PTPN4: variants seen among roughly 807,000 people sequenced by gnomAD.
PTPN4 encodes tyrosine-protein phosphatase non-receptor type 4.
Under a neutral mutation model 135.5 loss-of-function variants are expected in PTPN4, and 49 were observed. That is an observed-to-expected ratio of 0.36 (90% confidence interval 0.29 to 0.46). The LOEUF is 0.46. PTPN4 is among the 20% of genes least tolerant of loss of function. The probability of loss-of-function intolerance (pLI) is 1.00; values close to 1 mark genes in which losing one functional copy is unlikely to be tolerated. For missense variants in PTPN4, 860 were observed against 1,101.0 expected, an observed-to-expected ratio of 0.78 and a Z score of 3.10; for synonymous variants, 333 against 369.9, an observed-to-expected ratio of 0.90 and a Z score of 1.14.
At chr2:119,917,097 A>G (rs1678664703) in intron 11 of PTPN4, among the ~76,000 whole-genome samples, 3 of 152,170 alleles carry the variant, frequency 2.0e-5, no homozygotes, top group Non-Finnish European at 4.4e-5. Flanking sequence ...AATTAGACTT[A>G]TAATAATATC....
At chr2:119,968,812 G>T (rs1230602778) in intron 26 of PTPN4, among the ~76,000 whole-genome samples, 1 of 152,034 alleles carries the variant, frequency 6.6e-6, no homozygotes, top group Non-Finnish European at 1.5e-5. Context: ...AACTTACGTT[G>T]CAACAACAAA....
At chr2:119,769,486 C>A (rs1690696876) in intron 1 of PTPN4, among the ~76,000 whole-genome samples, 1 of 152,108 alleles carries the variant, frequency 6.6e-6, no homozygotes, top group Non-Finnish European at 1.5e-5. Context: ...TGCTGAAATG[C>A]TAAGGTTCTT....
intron 2 of PTPN4, among the ~76,000 whole-genome samples, chr2:119,815,948 T>G (rs1228132181): frequency 2.0e-5 from 3 of 152,194 alleles, no homozygotes; most frequent in Non-Finnish European, 4.4e-5. Flanking sequence ...ACCACCAGAT[T>G]AAGGCATTGA....
chr2:119,796,230 G>A (rs888071683), intron 1 of PTPN4, among the ~76,000 whole-genome samples: 3 of 152,134 alleles, frequency 2.0e-5, no homozygotes, highest in African/African-American at 4.8e-5. Flanking sequence ...TGGATGGCCC[G>A]CTGCTGCCAC....
intron 10 of PTPN4, among the ~76,000 whole-genome samples, chr2:119,911,825 A>C (rs531069122): frequency 6.6e-6 from 1 of 152,160 alleles, no homozygotes; most frequent in Admixed American, 6.6e-5. Flanking sequence ...TATTATTATA[A>C]TATATACAAT....
chr2:119,796,058 G>A (rs1271402405), intron 1 of PTPN4, among the ~76,000 whole-genome samples: 1 of 152,164 alleles, frequency 6.6e-6, no homozygotes, highest in African/African-American at 2.4e-5. Context: ...CCGAGGCTTC[G>A]GGCCTGGAAA....
chr2:119,862,440 G>A, intron 2 of PTPN4, 96 bp from the exon 3 acceptor site: 1 of 1,104,206 alleles, frequency 9.1e-7, no homozygotes, highest in South Asian at 1.5e-5. Flanking sequence ...GGCATAAATG[G>A]GTTAATAGAT....
At chr2:119,844,580 T>G (rs1166224868) in intron 2 of PTPN4, among the ~76,000 whole-genome samples, 4 of 136,172 alleles carry the variant, frequency 2.9e-5, no homozygotes, top group Non-Finnish European at 4.8e-5. Flanking sequence ...AGACGGGGTC[T>G]CGGCCGGGCA....
In PTPN4 at chr2:119,849,270, G is replaced by T. The variant is rs536595669; in HGVS notation, c.139-13266G>T. On this transcript the variant is annotated intron_variant, in intron 2 of 26. Coordinates refer to ENST00000263708, the MANE Select transcript of PTPN4 (RefSeq NM_002830.4). ...TATATGTTTCTGTTTCTTCTCCTGT[G>T]TTATGTTTTCGTTTAAACTTGACGT... Among the ~76,000 whole-genome samples, 6 of 152,172 alleles carry T rather than the reference G, an allele frequency of 3.9e-5. No individual in the cohort carries two copies. The South Asian group carries it at 1.2e-3, about 32-fold the overall frequency.
intron 23 of PTPN4, among the ~76,000 whole-genome samples, chr2:119,962,037 C>T (rs980085555): frequency 7.2e-5 from 11 of 152,002 alleles, no homozygotes; most frequent in African/African-American, 1.9e-4. Flanking sequence ...AACGAGTGAA[C>T]GGTATGGTAC....
intron 2 of PTPN4, among the ~76,000 whole-genome samples, chr2:119,822,273 A>G (rs1015064021): frequency 9.2e-5 from 14 of 151,384 alleles, no homozygotes; most frequent in African/African-American, 2.9e-4. Context: ...TCCTGTTGAT[A>G]TCTTTCTCTG....
rs982673691 is a variant in PTPN4, at chr2:119,875,861, A to G, written c.247-1462A>G. 2.0e-5 allele frequency among the ~76,000 whole-genome samples: 3 copies of G among 152,316 alleles called. No homozygotes were observed. In the South Asian group the frequency reaches 6.2e-4, roughly 32 times the overall value. ...TAATGAAGGAGTCAGACAAAAAAAG[A>G]CAAAAGGTGAAACAAACTTAATTGA... On this transcript the variant is annotated intron_variant, in intron 3 of 26. Coordinates refer to ENST00000263708, the MANE Select transcript of PTPN4 (RefSeq NM_002830.4).
chr2:119,822,595 G>A (rs532446969), intron 2 of PTPN4, among the ~76,000 whole-genome samples: 3 of 152,250 alleles, frequency 2.0e-5, no homozygotes, highest in Admixed American at 2.0e-4. Context: ...CTCACCTCGT[G>A]ATCCACCTGC....
Position 119,977,989 on chromosome 2 carries a change from A to G in PTPN4, c.*919A>G, listed in dbSNP as rs1218100716. The stretch of plus-strand genomic sequence containing the variant: ...TATACAGTCAAAGAAGGGTAAGGAA[A>G]TTCTGTTTCTTACTCAGTACTCGTG... On this transcript the variant is annotated 3_prime_UTR_variant, in exon 27 of 27. Transcript: ENST00000263708. The G allele has an allele frequency of 6.6e-6, 1 of 152,204 alleles. No homozygotes were observed. Among genetic ancestry groups the G allele is most frequent in the Non-Finnish European group, 1.5e-5 (1 of 68,032 alleles). The allele number at this position is 152,204 out of a possible 1,614,324, so 9.4% of individuals were successfully genotyped here.
chr2:119,896,658 TTTTA>T (rs1368962371), intron 9 of PTPN4, among the ~76,000 whole-genome samples: 2 of 152,206 alleles, frequency 1.3e-5, no homozygotes, highest in African/African-American at 4.8e-5. Context: ...ATATTTTTGT[TTTTA>T]TTTATTTGCT....
At chr2:119,885,006 T>C (rs996189154) in intron 8 of PTPN4, among the ~76,000 whole-genome samples, 1 of 152,202 alleles carries the variant, frequency 6.6e-6, no homozygotes, top group Non-Finnish European at 1.5e-5. Context: ...AGGCCTTACA[T>C]TTAGAGCAAT....
At chr2:119,838,934 T>TA (rs2104968764) in intron 2 of PTPN4, among the ~76,000 whole-genome samples, 1 of 152,354 alleles carries the variant, frequency 6.6e-6, no homozygotes, top group African/African-American at 2.4e-5. Context: ...GTTTACCAAT[T>TA]ACATTTATCT....
In PTPN4 at chr2:119,920,369, A is replaced by C. The variant is rs1678718371; in HGVS notation, c.1001+128A>C. 4.8e-6 allele frequency: 5 copies of C among 1,035,598 alleles called. No homozygotes were observed. In the South Asian group the frequency reaches 8.7e-5, roughly 18 times the overall value. The allele number at this position is 1,035,598 out of a possible 1,614,324, so 64.2% of individuals were successfully genotyped here. ...TTAACTGAGTCAAAAATCCCTATGG[A>C]TTGCAGCCTCTATATCAGTATCATT... On this transcript the variant is annotated intron_variant, in intron 12 of 26. Coordinates refer to ENST00000263708, the MANE Select transcript of PTPN4 (RefSeq NM_002830.4).
chr2:119,952,641 C>G (rs1342468170), intron 19 of PTPN4, among the ~76,000 whole-genome samples: 1 of 152,122 alleles, frequency 6.6e-6, no homozygotes, highest in Non-Finnish European at 1.5e-5. Context: ...CCATAACAAG[C>G]TATAGTTAAA....
Sources: allele counts gnomAD v4.1 joint callset (sites outside exome capture counted in the v4.1 genomes callset), GRCh38; gene constraint gnomAD v4.1.1; transcripts MANE v1.5; gene names NCBI Gene and HGNC (gene_info 2026-07-23, HGNC 2026-07-21).